Variants in USP12 observed in about 807,000 individuals in gnomAD.
The protein encoded by USP12 is ubiquitin carboxyl-terminal hydrolase 12.
Under a neutral mutation model 45.5 loss-of-function variants are expected in USP12, and 19 were observed. The ratio of observed to expected loss-of-function variants is 0.42; its 90% CI spans 0.29 to 0.61. The LOEUF (loss-of-function observed/expected upper bound fraction) is 0.61. Among genes scored for constraint, USP12 ranks in the 20% least tolerant of loss-of-function variants. The pLI, the probability that USP12 is intolerant of heterozygous loss-of-function variation, is 0.22. For synonymous variants in USP12, 149 were observed against 148.8 expected (o/e 1.00, Z -0.01); for missense variants, 242 against 447.7 (o/e 0.54, Z 4.15).
chr13:27,164,362 T>TCA (rs1458532343), intron 1 of USP12, among the ~76,000 whole-genome samples: 1 of 152,170 alleles, frequency 6.6e-6, no homozygotes, highest in Non-Finnish European at 1.5e-5. Context: ...GACATGTGGC[T>TCA]CACTACAGAT....
At chr13:27,115,297 G>C in intron 2 of USP12, among the ~76,000 whole-genome samples, 1 of 152,166 alleles carries the variant, frequency 6.6e-6, no homozygotes, top group East Asian at 1.9e-4. Context: ...AAATAAGTGA[G>C]AGGAGTAATG....
chr13:27,093,872 T>TA, intron 4 of USP12, among the ~76,000 whole-genome samples: 1 of 152,146 alleles, frequency 6.6e-6, no homozygotes, highest in Non-Finnish European at 1.5e-5. Flanking sequence ...TATCAAGCCT[T>TA]AAAAAGACAT....
At chr13:27,098,627 C>T (rs557630106) in intron 3 of USP12, among the ~76,000 whole-genome samples, 3 of 152,214 alleles carry the variant, frequency 2.0e-5, no homozygotes, top group South Asian at 2.1e-4. Context: ...TGGTATGGCA[C>T]GTTGTAAAGG....
At chr13:27,073,611 A>T (rs1180076198) in intron 7 of USP12, among the ~76,000 whole-genome samples, 1 of 152,222 alleles carries the variant, frequency 6.6e-6, no homozygotes, top group Admixed American at 6.5e-5. Context: ...AAAATCTAGC[A>T]TGATTTAAGT....
chr13:27,070,511 T>C (rs1440712023), intron 8 of USP12, among the ~76,000 whole-genome samples: 1 of 152,146 alleles, frequency 6.6e-6, no homozygotes, highest in Non-Finnish European at 1.5e-5. Flanking sequence ...TTAATTTTTT[T>C]TTTTTAAAGC....
intron 4 of USP12, among the ~76,000 whole-genome samples, chr13:27,090,892 TACA>T (rs1874282007): frequency 6.6e-6 from 1 of 152,212 alleles, no homozygotes. Flanking sequence ...TAAGTTGTCA[TACA>T]ACATGTGACT....
At chr13:27,071,301 GAGATAA>G (rs1278201969) in intron 7 of USP12, 152 bp from the exon 8 acceptor site, 1 of 599,684 alleles carries the variant, frequency 1.7e-6, no homozygotes, top group African/African-American at 1.9e-5. Flanking sequence ...CTTGCCAAAA[GAGATAA>G]AGCTACACTG....
chr13:27,170,083 C>A (rs1878519662), intron 1 of USP12: 1 of 377,640 alleles, frequency 2.6e-6, no homozygotes, highest in South Asian at 1.5e-4. Context: ...AATAATTAGC[C>A]CAAACAATTC....
At chr13:27,086,253 A>G (rs1874038143) in intron 6 of USP12, among the ~76,000 whole-genome samples, 1 of 85,822 alleles carries the variant, frequency 1.2e-5, no homozygotes, top group African/African-American at 3.9e-5. Flanking sequence ...ATATATGCAC[A>G]TATACATATA....
At chr13:27,170,350 A>G (rs1043789082) in intron 1 of USP12, 5 of 398,476 alleles carry the variant, frequency 1.3e-5, no homozygotes, top group African/African-American at 1.0e-4. Context: ...AATATATACA[A>G]TGTACCACCC....
chr13:27,110,828 T>C (rs368603686), intron 2 of USP12, among the ~76,000 whole-genome samples: 104 of 152,254 alleles, frequency 6.8e-4, no homozygotes, highest in African/African-American at 2.4e-3. Flanking sequence ...GTTATATCAA[T>C]TGAAGAGAAG....
At chr13:27,114,554 G>A (rs1593191862) in intron 2 of USP12, among the ~76,000 whole-genome samples, 1 of 152,124 alleles carries the variant, frequency 6.6e-6, no homozygotes, top group African/African-American at 2.4e-5. Flanking sequence ...TAAGCTGAGA[G>A]GAAATCCTCA....
chr13:27,166,882 A>C (rs917446987), intron 1 of USP12, among the ~76,000 whole-genome samples: 4 of 152,266 alleles, frequency 2.6e-5, no homozygotes, highest in East Asian at 1.9e-4. Context: ...TATTGGGCTC[A>C]TCTCACCACC....
chr13:27,149,419 G>A (rs1877465886), intron 1 of USP12, among the ~76,000 whole-genome samples: 1 of 152,142 alleles, frequency 6.6e-6, no homozygotes, highest in Non-Finnish European at 1.5e-5. Context: ...ATCCAAATTT[G>A]AAAGGAAGAA....
chr13:27,161,422 T>A (rs1878102117), intron 1 of USP12, among the ~76,000 whole-genome samples: 1 of 152,168 alleles, frequency 6.6e-6, no homozygotes, highest in African/African-American at 2.4e-5. Context: ...TTATGACTTA[T>A]TTTACTTGTG....
At chr13:27,106,399 A>T (rs1236543939) in intron 2 of USP12, among the ~76,000 whole-genome samples, 1 of 127,040 alleles carries the variant, frequency 7.9e-6, no homozygotes, top group Non-Finnish European at 1.6e-5. Context: ...TTGGGGCGAG[A>T]CGGGGGAGGG....
At chr13:27,100,234 T>C (rs1427174722) in intron 3 of USP12, among the ~76,000 whole-genome samples, 1 of 152,146 alleles carries the variant, frequency 6.6e-6, no homozygotes, top group African/African-American at 2.4e-5. Context: ...CTGAAAATAA[T>C]AACCATTTCC....
chr13:27,168,049 T>C (rs966088219), intron 1 of USP12, among the ~76,000 whole-genome samples: 11 of 152,214 alleles, frequency 7.2e-5, no homozygotes, highest in Non-Finnish European at 1.3e-4. Flanking sequence ...CAAGTAAAGT[T>C]TACCATGCTC....
At chr13:27,155,380 G>A (rs1384134294) in intron 1 of USP12, among the ~76,000 whole-genome samples, 1 of 151,754 alleles carries the variant, frequency 6.6e-6, no homozygotes, top group Non-Finnish European at 1.5e-5. Flanking sequence ...TGCACCCAGC[G>A]ACCTCCATAA....
Sources: gnomAD v4.1 joint callset for allele counts (sites outside exome capture counted in the v4.1 genomes callset) on GRCh38, gnomAD v4.1.1 for gene constraint, MANE v1.5 for transcripts, NCBI Gene and HGNC (gene_info 2026-07-23, HGNC 2026-07-21) for gene names.